The following FIGN variants were observed in gnomAD, a reference collection of about 807,000 sequenced individuals.
FIGN encodes fidgetin, microtubule severing factor.
In FIGN, 11 loss-of-function variants were observed where a neutral mutation model predicts 51.3. The observed-to-expected ratio is 0.21, with a 90% confidence interval of 0.13 to 0.35. The LOEUF (loss-of-function observed/expected upper bound fraction) is 0.35, where lower values mean the gene tolerates loss of function less well. Among genes scored for constraint, FIGN ranks in the 10% least tolerant of loss-of-function variants. FIGN has a pLI of 1.00. For synonymous variants in FIGN, 407 were observed against 363.2 expected (o/e 1.12, Z -1.37); for missense variants, 857 against 943.6 (o/e 0.91, Z 1.20).
chr2:163,697,750 T>C (rs1052979140), intron 2 of FIGN, among the ~76,000 whole-genome samples: 5 of 152,154 alleles, frequency 3.3e-5, no homozygotes, highest in African/African-American at 1.2e-4. Context: ...CTGAGCCTGG[T>C]TTTCTCGTGT....
intron 2 of FIGN, among the ~76,000 whole-genome samples, chr2:163,733,189 G>A (rs1684959413): frequency 6.6e-6 from 1 of 151,990 alleles, no homozygotes; most frequent in South Asian, 2.1e-4. Context: ...TTAAACATAG[G>A]GAAATGAATT....
intron 2 of FIGN, among the ~76,000 whole-genome samples, chr2:163,720,970 C>G (rs190317288): frequency 6.0e-5 from 9 of 151,036 alleles, no homozygotes; most frequent in Admixed American, 2.0e-4. Flanking sequence ...CATATAGGGT[C>G]AAAATAAATA....
At chr2:163,616,065 T>C (rs552454131) in intron 2 of FIGN, among the ~76,000 whole-genome samples, 1 of 152,300 alleles carries the variant, frequency 6.6e-6, no homozygotes, top group South Asian at 2.1e-4. Flanking sequence ...CATGTATATA[T>C]AAATGAACAA....
At chr2:163,678,252 G>A (rs542591417) in intron 2 of FIGN, among the ~76,000 whole-genome samples, 10 of 151,446 alleles carry the variant, frequency 6.6e-5, no homozygotes, top group South Asian at 6.3e-4. Flanking sequence ...ATGCAGTCTC[G>A]CTCTGTCACC....
chr2:163,715,869 C>T lies in FIGN; in HGVS notation c.25+19034G>A, dbSNP rs778913297. Reference sequence around the variant, plus strand: ...TAAACTCAAAGAAAGTATACACATACGCCCATATATGTATTTGCATGTGGG... The same window carrying T: ...TAAACTCAAAGAAAGTATACACATATGCCCATATATGTATTTGCATGTGGG... On this transcript the variant is annotated intron_variant, in intron 2 of 2. Coordinates refer to ENST00000333129, the MANE Select transcript of FIGN (RefSeq NM_018086.4). Among the ~76,000 whole-genome samples, 8 of 152,278 alleles carry T rather than the reference C, an allele frequency of 5.3e-5. No individual in the cohort carries two copies. In the East Asian group the frequency reaches 5.8e-4, roughly 11 times the overall value.
intron 2 of FIGN, among the ~76,000 whole-genome samples, chr2:163,692,905 C>T (rs551265873): frequency 6.6e-6 from 1 of 152,310 alleles, no homozygotes; most frequent in Admixed American, 6.5e-5. Flanking sequence ...AAAGAAGTCA[C>T]ATATGTGTGC....
intron 2 of FIGN, among the ~76,000 whole-genome samples, chr2:163,650,466 C>T (rs888389889): frequency 1.6e-4 from 24 of 151,928 alleles, no homozygotes; most frequent in Admixed American, 6.6e-5. Flanking sequence ...CATAGGTATA[C>T]ACGTGCCAGG....
At chr2:163,707,220 G>T (rs185352413) in intron 2 of FIGN, among the ~76,000 whole-genome samples, 15 of 152,168 alleles carry the variant, frequency 9.9e-5, no homozygotes, top group Admixed American at 9.8e-4. Flanking sequence ...ATGGTGGCAT[G>T]TGCCTGTAAT....
chr2:163,682,952 G>T (rs914353559), intron 2 of FIGN, among the ~76,000 whole-genome samples: 3 of 152,160 alleles, frequency 2.0e-5, no homozygotes, highest in Admixed American at 6.6e-5. Flanking sequence ...GCCACCAGGG[G>T]TTGTCAAAGT....
rs994708103 is a variant in FIGN at position 163,608,825 on chromosome 2, T to C, written c.*727A>G. 1 of 152,624 alleles carries C rather than the reference T, an allele frequency of 6.6e-6. No individual in the cohort carries two copies. Among genetic ancestry groups the C allele is most frequent in the African/African-American group, 2.4e-5 (1 of 41,456 alleles). The allele number at this position is 152,624 out of a possible 1,614,324, so 9.5% of individuals were successfully genotyped here. On this transcript the variant is annotated 3_prime_UTR_variant, in exon 3 of 3. Transcript: ENST00000333129. The stretch of plus-strand genomic sequence containing the variant: ...TCCAATTGTTGAGGTAAACATACAT[T>C]TTAATATAAAGTAACATTGAAGCCT...
intron 2 of FIGN, among the ~76,000 whole-genome samples, chr2:163,704,656 T>TCTCTCTCTCTCTCACA (rs72286438): frequency 2.3e-5 from 3 of 129,790 alleles, no homozygotes; most frequent in East Asian, 2.2e-4. Context: ...TCTCTCTCTC[T>TCTCTCTCTCTCTCACA]CACACACACA....
chr2:163,702,659 T>G (rs1347059281), intron 2 of FIGN, among the ~76,000 whole-genome samples: 1 of 152,144 alleles, frequency 6.6e-6, no homozygotes, highest in Non-Finnish European at 1.5e-5. Context: ...GAACATCATA[T>G]GATTAAAAAG....
chr2:163,627,570 G>A (rs183005338), intron 2 of FIGN, among the ~76,000 whole-genome samples: 7 of 152,102 alleles, frequency 4.6e-5, no homozygotes, highest in East Asian at 1.9e-4. Context: ...GCAGACATCC[G>A]CCAAAAGATA....
At chr2:163,664,237 C>T (rs528743049) in intron 2 of FIGN, among the ~76,000 whole-genome samples, 55 of 152,242 alleles carry the variant, frequency 3.6e-4, no homozygotes, top group East Asian at 1.2e-3. Context: ...GTAAAAAGAA[C>T]AATGACAGTT....
In FIGN at chr2:163,609,672, C is replaced by G; in HGVS notation, c.2160G>C (p.Gln720His). Residue 720 changes from glutamine (Q) to histidine (H), a missense_variant, in exon 3 of 3, where the codon CAG (glutamine) becomes CAC (histidine). By Grantham distance (24) the Gln-to-His change is conservative. This residue lies in a region of FIGN where 799 missense variants were observed against 849.5 expected (regional missense o/e 0.94). Coordinates refer to ENST00000333129, the MANE Select transcript of FIGN (RefSeq NM_018086.4). ...ATDLSAIMPS[Q>H]LRPVTYQDFE... ...AGTCTTGATATGTAACGGGCCTCAA[C>G]TGGCTGGGCATAATGGCTGAAAGGT... is the stretch of plus-strand genomic sequence containing the variant. The G allele has an allele frequency of 6.2e-7, 1 of 1,614,138 alleles. No homozygotes were observed. The highest frequency in any genetic ancestry group is 2.2e-5 in the East Asian group (1 of 44,860).
chr2:163,677,950 G>A (rs1684000023), intron 2 of FIGN, among the ~76,000 whole-genome samples: 1 of 152,194 alleles, frequency 6.6e-6, no homozygotes, highest in African/African-American at 2.4e-5. Flanking sequence ...AGGAAGGAGA[G>A]TGACCTTTTA....
chr2:163,618,845 T>C (rs1408894571), intron 2 of FIGN, among the ~76,000 whole-genome samples: 1 of 152,140 alleles, frequency 6.6e-6, no homozygotes, highest in Admixed American at 6.6e-5. Context: ...GAGCTTCAAC[T>C]CCAGTTTCTT....
At chr2:163,696,942 A>G (rs1313957560) in intron 2 of FIGN, among the ~76,000 whole-genome samples, 3 of 150,970 alleles carry the variant, frequency 2.0e-5, no homozygotes, top group Admixed American at 6.6e-5. Flanking sequence ...AAGTGCTAAT[A>G]TTCCAGGTAT....
chr2:163,661,068 G>C (rs1257818292), intron 2 of FIGN, among the ~76,000 whole-genome samples: 8 of 146,270 alleles, frequency 5.5e-5, no homozygotes. Context: ...ATTTTTAGTA[G>C]AGACAGGGTT....
Sources: allele counts gnomAD v4.1 joint callset (sites outside exome capture counted in the v4.1 genomes callset), GRCh38; gene constraint gnomAD v4.1.1; regional missense constraint gnomAD v4.1.1; transcripts MANE v1.5; gene names NCBI Gene and HGNC (gene_info 2026-07-23, HGNC 2026-07-21).